The following TBX20 variants were observed in gnomAD, a reference collection of about 807,000 sequenced individuals.
TBX20 encodes the protein T-box transcription factor 20.
A neutral mutation model predicts 42.9 loss-of-function variants in TBX20; 8 were observed. The observed-to-expected ratio is 0.19, with a 90% CI of 0.11 to 0.34. The LOEUF (loss-of-function observed/expected upper bound fraction) is 0.34. Among genes scored for constraint, TBX20 ranks in the 10% least tolerant of loss-of-function variants. TBX20 has a pLI of 1.00. For synonymous variants in TBX20, 198 were observed against 222.8 expected, an observed-to-expected ratio of 0.89 and a Z score of 0.99; for missense variants, 411 against 566.0, an observed-to-expected ratio of 0.73 and a Z score of 2.78.
At chr7:35,232,548 C>G (rs1365685451) in intron 5 of TBX20, among the ~76,000 whole-genome samples, 1 of 152,180 alleles carries the variant, frequency 6.6e-6, no homozygotes, top group Non-Finnish European at 1.5e-5. Context: ...TTCAGCTGGT[C>G]AGTAACTTAA....
chr7:35,246,063 A>G (rs557487664), intron 3 of TBX20, among the ~76,000 whole-genome samples: 1 of 152,384 alleles, frequency 6.6e-6, no homozygotes, highest in East Asian at 1.9e-4. Context: ...AGCAAGGGAT[A>G]AGAAGTCATA....
At chr7:35,248,257 T>C (rs1416475682) in intron 3 of TBX20, among the ~76,000 whole-genome samples, 1 of 152,222 alleles carries the variant, frequency 6.6e-6, no homozygotes, top group Non-Finnish European at 1.5e-5. Context: ...ATACTTACTG[T>C]AAGCAACGAT....
At chr7:35,206,501 C>T (rs1294441195) in intron 6 of TBX20, among the ~76,000 whole-genome samples, 2 of 152,084 alleles carry the variant, frequency 1.3e-5, no homozygotes, top group Admixed American at 6.6e-5. Context: ...GAGCCGAGAT[C>T]GTGCCACTTC....
chr7:35,229,083 A>C (rs1249799727), intron 6 of TBX20, among the ~76,000 whole-genome samples: 5 of 152,186 alleles, frequency 3.3e-5, no homozygotes, highest in Non-Finnish European at 5.9e-5. Context: ...TCCCAAAGGC[A>C]TTTTTGTTTG....
rs1790064136 is a variant in TBX20 at position 35,240,900 on chromosome 7, G to A, written c.792C>T (p.Val264=). ...FIFPETVFTA[V]TAYQNQLITK... ...TCACCAGTTGATTCTGGTAGGCAGT[G>A]ACTGCCGTAAAAACTGTTTCTGGAA... Residue 264 remains valine, a synonymous_variant, in exon 5 of 8, where the codon GTC becomes GTT. Transcript: ENST00000408931. 1 of 1,613,736 alleles carries A rather than the reference G, an allele frequency of 6.2e-7. No individual in the cohort carries two copies. Among genetic ancestry groups the A allele is most frequent in the African/African-American group, 1.3e-5 (1 of 74,916 alleles).
intron 6 of TBX20, among the ~76,000 whole-genome samples, chr7:35,209,175 A>C (rs1238519954): frequency 6.6e-6 from 1 of 152,108 alleles, no homozygotes; most frequent in Admixed American, 6.5e-5. Flanking sequence ...CTCTAGTTTT[A>C]GTATCAAGAT....
At chr7:35,219,409 A>C (rs1212577223) in intron 6 of TBX20, among the ~76,000 whole-genome samples, 6 of 152,254 alleles carry the variant, frequency 3.9e-5, no homozygotes, top group Non-Finnish European at 7.3e-5. Context: ...GTAAGCAATA[A>C]AATTTACTTT....
chr7:35,220,242 A>C (rs369241426), intron 6 of TBX20, among the ~76,000 whole-genome samples: 1 of 152,348 alleles, frequency 6.6e-6, no homozygotes, highest in South Asian at 2.1e-4. Context: ...ATGGGGTTAA[A>C]GATGAAAGCA....
At chr7:35,236,958 T>C (rs545761064) in intron 5 of TBX20, among the ~76,000 whole-genome samples, 2 of 152,256 alleles carry the variant, frequency 1.3e-5, no homozygotes, top group East Asian at 1.9e-4. Flanking sequence ...GAGCAACTTG[T>C]GTTGAAATGT....
At position 35,250,060 on chromosome 7, in the gene TBX20, T is replaced by A; in HGVS notation, c.271A>T (p.Ile91Phe). 2 of 1,613,962 alleles carry A rather than the reference T, an allele frequency of 1.2e-6. No homozygotes were observed. Among genetic ancestry groups the A allele is most frequent in the African/African-American group, 2.7e-5 (2 of 74,976 alleles). Residue 91 changes from isoleucine (I) to phenylalanine (F), a missense_variant, in exon 2 of 8, where the codon ATC becomes TTC. Ile to Phe is a conservative substitution (Grantham distance 21). Transcript: ENST00000408931. ...CTEPLIPTTPIIPSEEMAKIA... is the reference protein window; with the variant it reads ...CTEPLIPTTPFIPSEEMAKIA... ...TTGGCCATTTCCTCACTGGGGATGA[T>A]GGGGGTGGTGGGGATCAGTGGCTCA...
Position 35,231,565 on chromosome 7 carries a change from T to C in TBX20, c.829A>G (p.Ile277Val). 6.2e-7 allele frequency: 1 copy of C among 1,612,736 alleles called. No homozygotes were observed. Among genetic ancestry groups the C allele is most frequent in the Non-Finnish European group, 8.5e-7 (1 of 1,178,818 alleles). Residue 277 changes from isoleucine (I) to valine (V), a missense_variant, in exon 6 of 8, where the codon ATA becomes GTA. Ile to Val is a conservative substitution (Grantham distance 29, BLOSUM62 3). Coordinates refer to ENST00000408931, the MANE Select transcript of TBX20 (RefSeq NM_001077653.2). ...YQNQLITKLK[I>V]DSNPFAKGFR... ...CCTTTGGCAAAAGGATTGCTATCTA[T>C]TTTCAGCTTCGTTATCTGGAGAAAG...
chr7:35,229,041 G>A (rs1441787388), intron 6 of TBX20, among the ~76,000 whole-genome samples: 2 of 152,122 alleles, frequency 1.3e-5, no homozygotes, highest in African/African-American at 4.8e-5. Flanking sequence ...GATTAAAACT[G>A]TGAATTTAGA....
At chr7:35,252,568 G>A (rs1790326668) in intron 1 of TBX20, among the ~76,000 whole-genome samples, 1 of 151,858 alleles carries the variant, frequency 6.6e-6, no homozygotes. Flanking sequence ...GGGAAGGACA[G>A]AGAGAAGAAA....
intron 6 of TBX20, among the ~76,000 whole-genome samples, chr7:35,207,061 T>C (rs1789412576): frequency 6.6e-6 from 1 of 152,204 alleles, no homozygotes; most frequent in Non-Finnish European, 1.5e-5. Context: ...CTAAATTGCA[T>C]ATATGTGCAA....
At position 35,215,718 on chromosome 7, in the gene TBX20, T is replaced by C. The variant is rs374442292; in HGVS notation, c.891-11136A>G. Among the ~76,000 whole-genome samples, 15 of 152,256 alleles carry C rather than the reference T, an allele frequency of 9.9e-5. No individual in the cohort carries two copies. The East Asian group carries it at 2.1e-3, about 22-fold the overall frequency. On this transcript the variant is annotated intron_variant, in intron 6 of 7. Coordinates refer to ENST00000408931, the MANE Select transcript of TBX20 (RefSeq NM_001077653.2). ...ATTACCTTCTTTGATCTTTAAAACATCTCCTCTGACTACTTTGTAACCATC... is the reference window on the plus strand; with the variant it reads ...ATTACCTTCTTTGATCTTTAAAACACCTCCTCTGACTACTTTGTAACCATC...
At chr7:35,206,988 T>C (rs1413317465) in intron 6 of TBX20, among the ~76,000 whole-genome samples, 4 of 151,716 alleles carry the variant, frequency 2.6e-5, no homozygotes, top group African/African-American at 7.3e-5. Flanking sequence ...TATTCATGCA[T>C]ACTTTTTAAC....
intron 3 of TBX20, among the ~76,000 whole-genome samples, chr7:35,245,319 GGTGTGTGTGTGTGT>G (rs61706700): frequency 4.1e-5 from 6 of 146,396 alleles, no homozygotes; most frequent in African/African-American, 1.3e-4. Context: ...TGTTTAAAGG[GGTGTGTGTGTGTGT>G]GTGTGTGTGT....
At chr7:35,209,002 G>C (rs1789450320) in intron 6 of TBX20, among the ~76,000 whole-genome samples, 1 of 152,018 alleles carries the variant, frequency 6.6e-6, no homozygotes, top group South Asian at 2.1e-4. Flanking sequence ...TTTTTAGTTT[G>C]TCAGCATGGT....
intron 5 of TBX20, among the ~76,000 whole-genome samples, chr7:35,233,435 A>G (rs1789905568): frequency 6.6e-6 from 1 of 152,240 alleles, no homozygotes; most frequent in Admixed American, 6.5e-5. Flanking sequence ...AAGCAAATAA[A>G]CTACATAAAT....
Sources: allele counts gnomAD v4.1 joint callset (sites outside exome capture counted in the v4.1 genomes callset), GRCh38; gene constraint gnomAD v4.1.1; transcripts MANE v1.5; gene names NCBI Gene and HGNC (gene_info 2026-07-23, HGNC 2026-07-21).